The following EPHA5 variants were observed in gnomAD, a reference collection of about 807,000 sequenced individuals.
EPHA5 encodes ephrin type-A receptor 5.
A neutral mutation model predicts 105.0 loss-of-function variants in EPHA5; 60 were observed. The observed-to-expected ratio is 0.57, with a 90% CI of 0.46 to 0.71. The LOEUF is 0.71. EPHA5 is among the 30% of genes least tolerant of loss of function. The pLI, the probability that EPHA5 is intolerant of heterozygous loss-of-function variation, is 0.00. For missense variants in EPHA5, 1,218 were observed against 1,274.7 expected (o/e 0.96, Z 0.68); for synonymous variants, 513 against 449.1 (o/e 1.14, Z -1.80).
At chr4:65,338,222 G>C (rs75032713) in intron 14 of EPHA5, among the ~76,000 whole-genome samples, 1 of 151,948 alleles carries the variant, frequency 6.6e-6, no homozygotes, top group African/African-American at 2.4e-5. Flanking sequence ...CACATAGATC[G>C]ATAGAAGTTT....
intron 3 of EPHA5, among the ~76,000 whole-genome samples, chr4:65,506,008 A>C (rs1415920915): frequency 6.6e-6 from 1 of 151,930 alleles, no homozygotes; most frequent in Non-Finnish European, 1.5e-5. Context: ...TGCTCTGCCC[A>C]CCCCATAACA....
At chr4:65,337,012 T>C (rs1191348376) in intron 14 of EPHA5, among the ~76,000 whole-genome samples, 1 of 152,126 alleles carries the variant, frequency 6.6e-6, no homozygotes, top group African/African-American at 2.4e-5. Context: ...CACAAAGAAT[T>C]CAGAATTGAT....
At chr4:65,501,479 C>A (rs930996915) in intron 3 of EPHA5, among the ~76,000 whole-genome samples, 2 of 151,180 alleles carry the variant, frequency 1.3e-5, no homozygotes, top group Non-Finnish European at 3.0e-5. Context: ...AAGCTGAGAG[C>A]CAAATCGAGA....
chr4:65,662,951 A>T (rs539054662), intron 1 of EPHA5, among the ~76,000 whole-genome samples: 3 of 152,278 alleles, frequency 2.0e-5, no homozygotes, highest in Admixed American at 2.0e-4. Context: ...TGAACATTTT[A>T]TCACTGAGAG....
intron 5 of EPHA5, among the ~76,000 whole-genome samples, chr4:65,452,202 G>A (rs1222348738): frequency 6.6e-6 from 1 of 152,086 alleles, no homozygotes; most frequent in African/African-American, 2.4e-5. Flanking sequence ...TTATTGGTAA[G>A]TTGTGTTTAA....
chr4:65,663,750 T>C (rs957407787), intron 1 of EPHA5, among the ~76,000 whole-genome samples: 1 of 152,050 alleles, frequency 6.6e-6, no homozygotes, highest in Admixed American at 6.6e-5. Flanking sequence ...TATCTTTCTT[T>C]TATGTGATAA....
At chr4:65,327,030 C>T (rs1224213799) in intron 16 of EPHA5, among the ~76,000 whole-genome samples, 2 of 151,106 alleles carry the variant, frequency 1.3e-5, no homozygotes, top group Non-Finnish European at 3.0e-5. Context: ...TTTATTTCTA[C>T]TGTCTTAACT....
chr4:65,517,456 G>C (rs1734215937), intron 3 of EPHA5, among the ~76,000 whole-genome samples: 1 of 151,502 alleles, frequency 6.6e-6, no homozygotes. Flanking sequence ...TTTGAGTTTT[G>C]ATTTCTTATT....
chr4:65,357,329 C>A (rs28417493), intron 11 of EPHA5, among the ~76,000 whole-genome samples: 13,870 of 151,390 alleles, frequency 0.092, 689 homozygotes, highest in Middle Eastern at 0.15. Flanking sequence ...ATTTGTATCT[C>A]TCTGAATATT....
Position 65,365,684 on chromosome 4 carries a change from TA to T in EPHA5, c.1987+247del, listed in dbSNP as rs1560458194. Among the ~76,000 whole-genome samples, 1,069 of 110,020 alleles carry T rather than the reference TA, an allele frequency of 9.7e-3. 74 individuals are homozygous for T. Among genetic ancestry groups the T allele is most frequent in the South Asian group, 0.016 (58 of 3,680 alleles). The allele number at this position is 110,020 out of a possible 152,430, so 72.2% of individuals were successfully genotyped here. Reference sequence around the variant, plus strand: ...ATATATATATATATATATATATATATATATAGTGAAACATTATCTATTTAAA... The same window carrying T: ...ATATATATATATATATATATATATATTATAGTGAAACATTATCTATTTAAA... On this transcript the variant is annotated intron_variant, in intron 10 of 16. Coordinates refer to ENST00000613740, the MANE Select transcript of EPHA5 (RefSeq NM_001281766.3).
At chr4:65,463,546 A>C (rs916743556) in intron 5 of EPHA5, among the ~76,000 whole-genome samples, 1 of 152,160 alleles carries the variant, frequency 6.6e-6, no homozygotes, top group Admixed American at 6.5e-5. Flanking sequence ...GATATCAACA[A>C]AGTAAAATCT....
chr4:65,529,368 TGA>T (rs775204168), intron 3 of EPHA5, among the ~76,000 whole-genome samples: 1 of 152,124 alleles, frequency 6.6e-6, no homozygotes, highest in Non-Finnish European at 1.5e-5. Flanking sequence ...TTGTTTCCTT[TGA>T]GTCTCATAAA....
At chr4:65,536,725 T>A (rs746713076) in intron 3 of EPHA5, among the ~76,000 whole-genome samples, 1 of 151,510 alleles carries the variant, frequency 6.6e-6, no homozygotes, top group Non-Finnish European at 1.5e-5. Context: ...CTCTTTGAAT[T>A]TGAGTAAAAA....
intron 3 of EPHA5, among the ~76,000 whole-genome samples, chr4:65,560,935 A>C (rs1010193624): frequency 2.6e-5 from 4 of 152,040 alleles, no homozygotes; most frequent in Non-Finnish European, 5.9e-5. Context: ...CTTTTTGAGG[A>C]TCCTCTGTCC....
In EPHA5 at chr4:65,557,369, AAGTT is replaced by A. The variant is rs537972832; in HGVS notation, c.910+44268_910+44271del. Among the ~76,000 whole-genome samples the A allele has an allele frequency of 3.6e-3, 542 of 151,070 alleles. 2 individuals carry two copies. The highest frequency in any genetic ancestry group is 5.8e-3 in the Non-Finnish European group (393 of 67,786). On this transcript the variant is annotated intron_variant, in intron 3 of 16. Coordinates refer to ENST00000613740, the MANE Select transcript of EPHA5 (RefSeq NM_001281766.3). The stretch of plus-strand genomic sequence containing the variant: ...CTGTAACTAATGTATTGAAAAATTA[AAGTT>A]AGTTAAATACTTTTTCCAACTCTGA...
At chr4:65,344,295 A>T (rs568148520) in intron 14 of EPHA5, among the ~76,000 whole-genome samples, 1 of 152,002 alleles carries the variant, frequency 6.6e-6, no homozygotes, top group Admixed American at 6.6e-5. Context: ...AAAATAAGAG[A>T]CTTGTGGAGG....
chr4:65,429,490 A>C (rs1724774703), intron 5 of EPHA5, among the ~76,000 whole-genome samples: 1 of 152,026 alleles, frequency 6.6e-6, no homozygotes, highest in Non-Finnish European at 1.5e-5. Context: ...CATAAAGTGC[A>C]AACTCTAATT....
intron 5 of EPHA5, among the ~76,000 whole-genome samples, chr4:65,422,529 T>A (rs928460152): frequency 6.6e-6 from 1 of 152,078 alleles, no homozygotes; most frequent in African/African-American, 2.4e-5. Flanking sequence ...TGATGGGTGA[T>A]GTCAAATCAT....
chr4:65,423,896 C>G (rs1724171499), intron 5 of EPHA5, among the ~76,000 whole-genome samples: 1 of 151,952 alleles, frequency 6.6e-6, no homozygotes, highest in African/African-American at 2.4e-5. Context: ...AGGACAAGGA[C>G]ATAAATGTGT....
Sources: allele counts gnomAD v4.1 joint callset (sites outside exome capture counted in the v4.1 genomes callset), GRCh38; gene constraint gnomAD v4.1.1; transcripts MANE v1.5; gene names NCBI Gene and HGNC (gene_info 2026-07-23, HGNC 2026-07-21).